The following VPS36 variants were observed in gnomAD, a reference collection of about 807,000 sequenced individuals.
VPS36 encodes vacuolar protein-sorting-associated protein 36.
Under a neutral mutation model 63.5 loss-of-function variants are expected in VPS36, and 31 were observed. That is an observed-to-expected ratio of 0.49 (90% CI 0.37 to 0.66). VPS36 has a LOEUF of 0.66. Ranked by LOEUF, VPS36 falls within the 30% of genes least tolerant of loss-of-function variation. The probability of loss-of-function intolerance (pLI) is 0.00; values close to 1 mark genes in which losing one functional copy is unlikely to be tolerated. For synonymous variants in VPS36, 138 were observed against 157.2 expected (o/e 0.88, Z 0.91); for missense variants, 338 against 463.7 (o/e 0.73, Z 2.49).
chr13:52,417,695 A>G (rs1423579882), intron 11 of VPS36, among the ~76,000 whole-genome samples: 1 of 152,154 alleles, frequency 6.6e-6, no homozygotes, highest in Non-Finnish European at 1.5e-5. Flanking sequence ...AATAAGGAAA[A>G]TAATATTCAC....
intron 2 of VPS36, among the ~76,000 whole-genome samples, chr13:52,439,507 G>A (rs1291062063): frequency 1.3e-5 from 2 of 151,658 alleles, no homozygotes; most frequent in African/African-American, 2.4e-5. Flanking sequence ...GTGCAGTGGC[G>A]TGATCTCGGA....
At position 52,422,551 on chromosome 13, in the gene VPS36, C is replaced by T. The variant is rs79782657; in HGVS notation, c.840+1023G>A. 3.7e-3 allele frequency among the ~76,000 whole-genome samples: 558 copies of T among 152,266 alleles called. 2 individuals carry two copies. The highest frequency in any genetic ancestry group is 0.012 in the African/African-American group (502 of 41,542). ...TTATCTGTTTTGCTCCTCTCCCTCC[C>T]CCTAGTCTCTACCCTTAAGTACATT... is the stretch of plus-strand genomic sequence containing the variant. On this transcript the variant is annotated intron_variant, in intron 10 of 13. Coordinates refer to ENST00000378060, the MANE Select transcript of VPS36 (RefSeq NM_016075.4).
At chr13:52,444,405 A>C (rs1958313856) in intron 1 of VPS36, among the ~76,000 whole-genome samples, 1 of 151,528 alleles carries the variant, frequency 6.6e-6, no homozygotes, top group African/African-American at 2.4e-5. Context: ...GCTTGCAGTG[A>C]GCCGAGATCG....
At chr13:52,418,900 G>A (rs1177288084) in intron 10 of VPS36, among the ~76,000 whole-genome samples, 1 of 152,206 alleles carries the variant, frequency 6.6e-6, no homozygotes, top group Non-Finnish European at 1.5e-5. Context: ...CCACAGGATG[G>A]CTCCAGAGCC....
chr13:52,424,893 C>T (rs550432834), intron 9 of VPS36, among the ~76,000 whole-genome samples: 3 of 151,964 alleles, frequency 2.0e-5, no homozygotes, highest in Non-Finnish European at 4.4e-5. Flanking sequence ...GAGGCTGAGG[C>T]AGGAGAATCG....
intron 4 of VPS36, 72 bp downstream of exon 4, chr13:52,436,217 CA>C (rs1958214009): frequency 2.0e-6 from 1 of 499,828 alleles, no homozygotes; most frequent in Non-Finnish European, 3.1e-6. Flanking sequence ...TAACAAGCCA[CA>C]ACACACACAC....
chr13:52,436,394 C>G lies in VPS36; in HGVS notation c.247G>C (p.Val83Leu). Reference sequence around the variant, plus strand: ...GGAGGAGCTGGGTGAAGATGAACCACTATTTTGGCACTGAAGAAAGAACAA... The same window carrying G: ...GGAGGAGCTGGGTGAAGATGAACCAGTATTTTGGCACTGAAGAAAGAACAA... ...AAGIGKSAKIVVHLHPAPPNK... is the reference protein window; with the variant it reads ...AAGIGKSAKILVHLHPAPPNK... The change falls in exon 4 of 14, where the codon GTG becomes CTG. Residue 83 changes from valine (V) to leucine (L), a missense_variant. By Grantham distance (32) the Val-to-Leu change is conservative (BLOSUM62 1). Transcript: ENST00000378060. 6.2e-7 allele frequency: 1 copy of G among 1,610,114 alleles called. No homozygotes were observed. The highest frequency in any genetic ancestry group is 8.5e-7 in the Non-Finnish European group (1 of 1,177,724).
chr13:52,425,764 AAAG>A (rs1250076302), intron 9 of VPS36, 165 bp downstream of exon 9: 5 of 618,146 alleles, frequency 8.1e-6, no homozygotes, highest in Non-Finnish European at 4.8e-6. Flanking sequence ...AGAAAATTAC[AAAG>A]AATAATAAGC....
At chr13:52,439,243 T>C (rs1334001594) in intron 2 of VPS36, 75 bp from the exon 3 acceptor site, 5 of 1,337,678 alleles carry the variant, frequency 3.7e-6, no homozygotes, top group African/African-American at 1.4e-5. Context: ...CCTTGTTTTA[T>C]AGCATTACAG....
chr13:52,434,082 TCA>T (rs1215588303), intron 5 of VPS36, among the ~76,000 whole-genome samples: 3 of 152,162 alleles, frequency 2.0e-5, no homozygotes. Context: ...ACAAAAAAAA[TCA>T]CAGTTTAAAT....
chr13:52,448,743 A>T (rs1958369887), intron 1 of VPS36, among the ~76,000 whole-genome samples: 2 of 152,212 alleles, frequency 1.3e-5, no homozygotes, highest in South Asian at 2.1e-4. Flanking sequence ...CCTGCCAGCA[A>T]AGGTGTTCCT....
At chr13:52,427,331 C>T (rs1958112480) in intron 6 of VPS36, 112 bp from the exon 7 acceptor site, 4 of 1,123,080 alleles carry the variant, frequency 3.6e-6, no homozygotes, top group Non-Finnish European at 5.2e-6. Context: ...TTCAGCCGGG[C>T]GCAGTGGCTC....
At chr13:52,428,069 A>G (rs1189117032) in intron 6 of VPS36, among the ~76,000 whole-genome samples, 1 of 152,206 alleles carries the variant, frequency 6.6e-6, no homozygotes, top group African/African-American at 2.4e-5. Flanking sequence ...TCAGCCTCTG[A>G]TTATCATACT....
intron 1 of VPS36, among the ~76,000 whole-genome samples, chr13:52,446,984 T>A (rs546349118): frequency 4.5e-4 from 68 of 151,776 alleles, no homozygotes; most frequent in Non-Finnish European, 7.7e-4. Context: ...CAAGCCATTC[T>A]CCTGCCTCAG....
At chr13:52,430,393 G>A (rs1427593595) in intron 6 of VPS36, among the ~76,000 whole-genome samples, 3 of 152,162 alleles carry the variant, frequency 2.0e-5, no homozygotes, top group Non-Finnish European at 4.4e-5. Flanking sequence ...AGCACTTTGG[G>A]AGGCTGAGGC....
chr13:52,433,544 T>C, intron 6 of VPS36, 118 bp downstream of exon 6: 1 of 852,226 alleles, frequency 1.2e-6, no homozygotes, highest in Non-Finnish European at 1.8e-6. Flanking sequence ...TAGGAGACTA[T>C]GTAGCTTCAG....
chr13:52,434,767 G>T (rs1275957671), intron 5 of VPS36, 26 bp downstream of exon 5: 1 of 1,593,068 alleles, frequency 6.3e-7, no homozygotes. Flanking sequence ...TGAAAATACT[G>T]GATTAGCAAA....
intron 1 of VPS36, among the ~76,000 whole-genome samples, chr13:52,449,539 T>C (rs2137816427): frequency 6.6e-6 from 1 of 152,252 alleles, no homozygotes; most frequent in African/African-American, 2.4e-5. Flanking sequence ...CAGGAAAAGC[T>C]GAGTTGAGGA....
At position 52,439,077 on chromosome 13, in the gene VPS36, CTG is replaced by C. The variant is rs757264143; in HGVS notation, c.236+19_236+20del. On this transcript the variant is annotated intron_variant, in intron 3 of 13. Transcript: ENST00000378060. ...AGGAAATGTTTTCTGTGAATAAAGA[CTG>C]TGCTATACACAGACTTACCTCTTCC... 4.4e-6 allele frequency: 7 copies of C among 1,607,542 alleles called. No homozygotes were observed. The highest frequency in any genetic ancestry group is 4.5e-5 in the East Asian group (2 of 44,846).
Sources: gnomAD v4.1 joint callset for allele counts (sites outside exome capture counted in the v4.1 genomes callset) on GRCh38, gnomAD v4.1.1 for gene constraint, MANE v1.5 for transcripts, NCBI Gene and HGNC (gene_info 2026-07-23, HGNC 2026-07-21) for gene names.